Variants in AIG1 observed in about 807,000 individuals in gnomAD.
AIG1 encodes the protein androgen induced 1, also known as androgen-induced gene 1 protein.
A neutral mutation model predicts 31.4 loss-of-function variants in AIG1; 23 were observed. The observed-to-expected ratio is 0.73, with a 90% CI of 0.53 to 1.04. AIG1 has a LOEUF of 1.04. AIG1 is among the 50% of genes least tolerant of loss of function. The pLI is 0.00. For synonymous variants in AIG1, 100 were observed against 110.5 expected (o/e 0.90, Z 0.60); for missense variants, 274 against 295.0 (o/e 0.93, Z 0.52).
intron 2 of AIG1, among the ~76,000 whole-genome samples, chr6:143,163,454 A>C (rs959373497): frequency 6.6e-6 from 1 of 152,150 alleles, no homozygotes; most frequent in South Asian, 2.1e-4. Context: ...TACCCAAGCC[A>C]TTGTGCTACA....
At chr6:143,086,223 A>G (rs1778767640) in intron 1 of AIG1, among the ~76,000 whole-genome samples, 1 of 152,206 alleles carries the variant, frequency 6.6e-6, no homozygotes, top group African/African-American at 2.4e-5. Context: ...CCTTGTTTAC[A>G]CTGACAACAA....
At chr6:143,161,553 A>G (rs1481427827) in intron 2 of AIG1, among the ~76,000 whole-genome samples, 1 of 149,962 alleles carries the variant, frequency 6.7e-6, no homozygotes, top group Non-Finnish European at 1.5e-5. Context: ...GTGTATATAT[A>G]TGTGTGTGTG....
chr6:143,270,444 T>C (rs1225995807), intron 3 of AIG1, among the ~76,000 whole-genome samples: 1 of 152,260 alleles, frequency 6.6e-6, no homozygotes, highest in African/African-American at 2.4e-5. Context: ...CCACCCACGC[T>C]TCTATAACTA....
intron 1 of AIG1, among the ~76,000 whole-genome samples, chr6:143,085,566 A>G (rs1778690479): frequency 6.6e-6 from 1 of 152,220 alleles, no homozygotes; most frequent in Non-Finnish European, 1.5e-5. Context: ...CAGCTGCTCC[A>G]TCAAGATGCA....
intron 1 of AIG1, among the ~76,000 whole-genome samples, chr6:143,100,970 C>T (rs1780223836): frequency 6.6e-6 from 1 of 152,188 alleles, no homozygotes; most frequent in African/African-American, 2.4e-5. Flanking sequence ...CAGGCCTGAG[C>T]CACCGTGCCC....
rs533145986 is a variant in AIG1, at chr6:143,124,762, G to A, written c.142-12073G>A. On this transcript the variant is annotated intron_variant, in intron 1 of 5. Coordinates refer to ENST00000357847, the MANE Select transcript of AIG1 (RefSeq NM_016108.4). ...ACCTTCTTTACAGGGTGGCAGGACA[G>A]GAGTGGGTGCAAGTGGGGGAATGCC... Among the ~76,000 whole-genome samples, 77 of 152,300 alleles carry A rather than the reference G, an allele frequency of 5.1e-4. 2 individuals are homozygous for A. The South Asian group carries it at 0.012, about 23-fold the overall frequency.
intron 3 of AIG1, among the ~76,000 whole-genome samples, chr6:143,235,019 C>CTGCA (rs1392069228): frequency 6.6e-6 from 1 of 152,158 alleles, no homozygotes; most frequent in African/African-American, 2.4e-5. Context: ...CTACATAGCC[C>CTGCA]TGCATGCATG....
rs564216417 is a variant in AIG1, at chr6:143,127,933, C to T, written c.142-8902C>T. 3.9e-5 allele frequency among the ~76,000 whole-genome samples: 6 copies of T among 152,270 alleles called. No individual in the cohort carries two copies. The East Asian group carries it at 9.6e-4, about 24-fold the overall frequency. On this transcript the variant is annotated intron_variant, in intron 1 of 5. Coordinates refer to ENST00000357847, the MANE Select transcript of AIG1 (RefSeq NM_016108.4). ...GAACTCCTGACCTCAAGTGATCCAC[C>T]TGCCTTGGCCTCCAAAAATGCTGGG...
chr6:143,099,908 T>C (rs377249528), intron 1 of AIG1, among the ~76,000 whole-genome samples: 1 of 152,214 alleles, frequency 6.6e-6, no homozygotes, highest in Non-Finnish European at 1.5e-5. Context: ...ACCTGCTTTG[T>C]TGTTTGGGAG....
At chr6:143,144,919 G>C (rs1784581824) in intron 2 of AIG1, among the ~76,000 whole-genome samples, 1 of 152,202 alleles carries the variant, frequency 6.6e-6, no homozygotes, top group African/African-American at 2.4e-5. Context: ...TATTAGTTGA[G>C]TGTAATCCAG....
intron 4 of AIG1, among the ~76,000 whole-genome samples, chr6:143,317,206 C>CA (rs1245328562): frequency 6.6e-6 from 1 of 151,794 alleles, no homozygotes; most frequent in Non-Finnish European, 1.5e-5. Flanking sequence ...GACATAACAA[C>CA]AAAAAAAGAA....
rs144980162 is a variant in AIG1 at position 143,165,426 on chromosome 6, G to A, written c.399+243G>A. 2.3e-3 allele frequency among the ~76,000 whole-genome samples: 357 copies of A among 152,292 alleles called. 1 individual carries two copies. Among genetic ancestry groups the A allele is most frequent in the African/African-American group, 8.3e-3 (343 of 41,560 alleles). On this transcript the variant is annotated intron_variant, in intron 3 of 5. Transcript: ENST00000357847. ...ATGAATCCACAGATTATTAAGGTTGGTGTGTCAGTGGTGTTAAATAATATA... is the reference window on the plus strand; with the variant it reads ...ATGAATCCACAGATTATTAAGGTTGATGTGTCAGTGGTGTTAAATAATATA...
At position 143,325,646 on chromosome 6, in the gene AIG1, C is replaced by T. The variant is rs9373388; in HGVS notation, c.516-7636C>T. ...AGTTTCCTCATTGCCTAAATCTAAT[C>T]AATCACCATGTTGTCTTAACTATAT... On this transcript the variant is annotated intron_variant, in intron 4 of 5. Coordinates refer to ENST00000357847, the MANE Select transcript of AIG1 (RefSeq NM_016108.4). The surrounding 1 kb of genome is among the most constrained non-coding windows in gnomAD (Gnocchi z 4.3). Among the ~76,000 whole-genome samples, 34,449 of 152,120 alleles carry T rather than the reference C, an allele frequency of 0.23. 3,979 individuals carry two copies. Among genetic ancestry groups the T allele is most frequent in the South Asian group, 0.28 (1,340 of 4,822 alleles).
chr6:143,243,742 G>A (rs927844750), intron 3 of AIG1, among the ~76,000 whole-genome samples: 5 of 152,226 alleles, frequency 3.3e-5, no homozygotes, highest in African/African-American at 1.2e-4. Context: ...ACCTGGTTAT[G>A]GTTCAGAAGT....
At chr6:143,239,091 A>G (rs950759867) in intron 3 of AIG1, among the ~76,000 whole-genome samples, 1 of 152,180 alleles carries the variant, frequency 6.6e-6, no homozygotes, top group Non-Finnish European at 1.5e-5. Flanking sequence ...TCCAGCTGTA[A>G]TTGCAGCATA....
chr6:143,131,334 T>C (rs538287999), intron 1 of AIG1, among the ~76,000 whole-genome samples: 1 of 152,340 alleles, frequency 6.6e-6, no homozygotes, highest in Admixed American at 6.5e-5. Context: ...ATTTTTTAAA[T>C]GGCCCCCAGA....
At position 143,219,222 on chromosome 6, in the gene AIG1, G is replaced by C. The variant is rs565796679; in HGVS notation, c.399+54039G>C. Among the ~76,000 whole-genome samples the C allele has an allele frequency of 6.8e-4, 103 of 152,298 alleles. 1 individual carries two copies. Among genetic ancestry groups the C allele is most frequent in the African/African-American group, 2.4e-3 (99 of 41,562 alleles). ...AAAGCAGATGGGAAACATTAAATCAGAAGTCAAGAGATGGACCCTAGCCCC... is the reference window on the plus strand; with the variant it reads ...AAAGCAGATGGGAAACATTAAATCACAAGTCAAGAGATGGACCCTAGCCCC... On this transcript the variant is annotated intron_variant, in intron 3 of 5. Coordinates refer to ENST00000357847, the MANE Select transcript of AIG1 (RefSeq NM_016108.4).
At chr6:143,094,511 G>A (rs142693499) in intron 1 of AIG1, among the ~76,000 whole-genome samples, 183 of 152,232 alleles carry the variant, frequency 1.2e-3, no homozygotes, top group African/African-American at 3.9e-3. Context: ...AGAACCAGCC[G>A]GTGAGTAGGG....
At chr6:143,156,437 A>G (rs1000811542) in intron 2 of AIG1, among the ~76,000 whole-genome samples, 1 of 152,216 alleles carries the variant, frequency 6.6e-6, no homozygotes, top group South Asian at 2.1e-4. Context: ...CATGCATAGA[A>G]AAAGATCTTG....
Sources: gnomAD v4.1 joint callset for allele counts (sites outside exome capture counted in the v4.1 genomes callset) on GRCh38, gnomAD v4.1.1 for gene constraint, Gnocchi (gnomAD v3.1) non-coding constraint, MANE v1.5 for transcripts, NCBI Gene and HGNC (gene_info 2026-07-23, HGNC 2026-07-21) for gene names.